PPME1: variants seen among roughly 807,000 people sequenced by gnomAD.
PPME1 encodes the protein protein phosphatase methylesterase 1, also known as testicular secretory protein Li 39.
In PPME1, 17 loss-of-function variants were observed where a neutral mutation model predicts 56.9. The ratio of observed to expected loss-of-function variants is 0.30; its 90% CI spans 0.20 to 0.45. The LOEUF is 0.45. Ranked by LOEUF, PPME1 falls within the 20% of genes least tolerant of loss-of-function variation. The pLI is 1.00. For synonymous variants in PPME1, 122 were observed against 156.2 expected (o/e 0.78, Z 1.63); for missense variants, 357 against 483.2 (o/e 0.74, Z 2.45).
intron 3 of PPME1, among the ~76,000 whole-genome samples, chr11:74,211,182 A>G (rs1026969847): frequency 6.6e-6 from 1 of 152,226 alleles, no homozygotes; most frequent in African/African-American, 2.4e-5. Flanking sequence ...TCACAGAAGG[A>G]TTTAAAGGAA....
At chr11:74,183,815 A>G (rs1298738530) in intron 1 of PPME1, among the ~76,000 whole-genome samples, 1 of 152,068 alleles carries the variant, frequency 6.6e-6, no homozygotes, top group African/African-American at 2.4e-5. Flanking sequence ...CTCCTTTTGT[A>G]TGTTATTTAC....
intron 1 of PPME1, among the ~76,000 whole-genome samples, chr11:74,186,218 C>T (rs1857677004): frequency 6.6e-6 from 1 of 152,160 alleles, no homozygotes; most frequent in Non-Finnish European, 1.5e-5. Flanking sequence ...CTTCTCACTT[C>T]ACTCTTCAGC....
At chr11:74,205,712 C>T (rs1475414023) in intron 3 of PPME1, 2 of 152,190 alleles carry the variant, frequency 1.3e-5, no homozygotes, top group African/African-American at 4.8e-5. Context: ...AACATAGGCA[C>T]ATATTCAACC....
intron 5 of PPME1, among the ~76,000 whole-genome samples, chr11:74,226,346 A>C (rs528236357): frequency 2.2e-4 from 33 of 152,340 alleles, no homozygotes; most frequent in Non-Finnish European, 4.3e-4. Context: ...CAGTCAGTAG[A>C]TTGAATTTAT....
chr11:74,229,132 A>T (rs920749511), intron 5 of PPME1, among the ~76,000 whole-genome samples: 1 of 152,168 alleles, frequency 6.6e-6, no homozygotes, highest in Admixed American at 6.5e-5. Context: ...ATCAGTTCCT[A>T]CAGAACTAAT....
intron 1 of PPME1, among the ~76,000 whole-genome samples, chr11:74,193,225 A>G (rs1857889536): frequency 6.6e-6 from 1 of 152,366 alleles, no homozygotes; most frequent in Non-Finnish European, 1.5e-5. Context: ...TGTAAGTTCA[A>G]TCAGGAATGA....
At chr11:74,198,702 C>T (rs1565380511) in intron 1 of PPME1, 2 of 152,202 alleles carry the variant, frequency 1.3e-5, no homozygotes, top group South Asian at 4.1e-4. Context: ...ATCCTCCCCC[C>T]TTGACCTCCA....
At chr11:74,228,076 T>C (rs1858974081) in intron 5 of PPME1, among the ~76,000 whole-genome samples, 1 of 152,082 alleles carries the variant, frequency 6.6e-6, no homozygotes, top group African/African-American at 2.4e-5. Flanking sequence ...TTGGAATTGT[T>C]CAAGAATTAT....
intron 1 of PPME1, among the ~76,000 whole-genome samples, chr11:74,183,531 A>G (rs541445636): frequency 6.6e-6 from 1 of 152,108 alleles, no homozygotes; most frequent in South Asian, 2.1e-4. Context: ...ATATGTCTCC[A>G]TAAGTAATAT....
At chr11:74,200,360 TG>T (rs1858123689) in intron 1 of PPME1, among the ~76,000 whole-genome samples, 7 of 3,238 alleles carry the variant, frequency 2.2e-3, no homozygotes, top group Admixed American at 0.014. Context: ...ATGTGTTTTG[TG>T]TGTGTGTGTG....
intron 11 of PPME1, 101 bp downstream of exon 11, chr11:74,247,224 G>A: frequency 9.2e-7 from 1 of 1,083,566 alleles, no homozygotes; most frequent in Non-Finnish European, 1.3e-6. Flanking sequence ...GAAAGCATGA[G>A]CTTTAGAGTC....
At chr11:74,202,055 G>A (rs552982691) in intron 1 of PPME1, among the ~76,000 whole-genome samples, 6 of 152,308 alleles carry the variant, frequency 3.9e-5, no homozygotes, top group African/African-American at 1.4e-4. Flanking sequence ...ATTATCAAAT[G>A]CTAGATGTAT....
At chr11:74,242,060 G>A (rs1057253515) in intron 9 of PPME1, among the ~76,000 whole-genome samples, 19 of 152,098 alleles carry the variant, frequency 1.2e-4, no homozygotes, top group Admixed American at 8.5e-4. Flanking sequence ...AAGTCATGAA[G>A]ATTTATACCT....
chr11:74,236,556 G>T (rs1308998645), intron 8 of PPME1, among the ~76,000 whole-genome samples: 2 of 152,164 alleles, frequency 1.3e-5, no homozygotes, highest in African/African-American at 4.8e-5. Context: ...CTTACTATTT[G>T]CCAGGCACTG....
At chr11:74,189,787 A>G (rs1857786336) in intron 1 of PPME1, among the ~76,000 whole-genome samples, 1 of 152,216 alleles carries the variant, frequency 6.6e-6, no homozygotes, top group South Asian at 2.1e-4. Flanking sequence ...TAGTGCTGAA[A>G]TGAGCAAAAT....
At chr11:74,201,662 A>G (rs1376241000) in intron 1 of PPME1, among the ~76,000 whole-genome samples, 2 of 152,196 alleles carry the variant, frequency 1.3e-5, no homozygotes, top group Non-Finnish European at 2.9e-5. Context: ...CATCTGTTAA[A>G]TGGGCATAAA....
At chr11:74,190,734 A>G (rs1857813673) in intron 1 of PPME1, among the ~76,000 whole-genome samples, 2 of 152,256 alleles carry the variant, frequency 1.3e-5, no homozygotes, top group South Asian at 4.1e-4. Context: ...GAAGACAGGA[A>G]GATGAGGAAA....
In PPME1 at chr11:74,246,148, C is replaced by T. The variant is rs1364644182; in HGVS notation, c.907C>T (p.Arg303Ter). 2.6e-6 allele frequency: 4 copies of T among 1,554,302 alleles called. No homozygotes were observed. The highest frequency in any genetic ancestry group is 3.5e-6 in the Non-Finnish European group (4 of 1,148,256). ...AGAAAAATACTGGGACGGCTGGTTC[C>T]GAGGCTTATCCAATCTCTTTCTTAG... is the stretch of plus-strand genomic sequence containing the variant. Reference protein sequence around the residue: ...KTEKYWDGWFRGLSNLFLSCP... With the variant: ...KTEKYWDGWF Residue 303 changes from arginine to a stop codon, truncating the protein, a stop_gained, in exon 10 of 14, where the codon CGA (arginine) becomes TGA (stop). Coordinates refer to ENST00000328257, the MANE Select transcript of PPME1 (RefSeq NM_016147.3). LOFTEE classifies it high-confidence loss of function.
chr11:74,208,284 G>C (rs1184990410), intron 3 of PPME1, among the ~76,000 whole-genome samples: 3 of 150,474 alleles, frequency 2.0e-5, no homozygotes, highest in Non-Finnish European at 4.4e-5. Flanking sequence ...TGCACTCCAT[G>C]CTGGCGACAG....
Sources: allele counts gnomAD v4.1 joint callset (sites outside exome capture counted in the v4.1 genomes callset), GRCh38; gene constraint gnomAD v4.1.1; transcripts MANE v1.5; gene names NCBI Gene and HGNC (gene_info 2026-07-23, HGNC 2026-07-21).